The following LRRTM4 variants were observed in gnomAD, a reference collection of about 807,000 sequenced individuals.
LRRTM4 encodes the protein leucine rich repeat transmembrane neuronal 4, also known as leucine-rich repeat transmembrane neuronal protein 4.
LRRTM4 carries 25 observed loss-of-function variants against 47.6 expected under a neutral mutation model. The ratio of observed to expected loss-of-function variants is 0.53; its 90% CI spans 0.38 to 0.73. LRRTM4 has a LOEUF of 0.73. Among genes scored for constraint, LRRTM4 ranks in the 30% least tolerant of loss-of-function variants. LRRTM4 has a pLI of 0.00. For missense variants in LRRTM4, 638 were observed against 713.4 expected, an observed-to-expected ratio of 0.89 and a Z score of 1.20; for synonymous variants, 311 against 269.5, an observed-to-expected ratio of 1.15 and a Z score of -1.51.
At chr2:77,303,531 C>T (rs1038600889) in intron 3 of LRRTM4, among the ~76,000 whole-genome samples, 3 of 152,160 alleles carry the variant, frequency 2.0e-5, no homozygotes, top group African/African-American at 7.2e-5. Context: ...CTGGCTCAGA[C>T]TTTATCAAAC....
At chr2:76,960,268 CGA>C (rs1388650965) in intron 3 of LRRTM4, among the ~76,000 whole-genome samples, 44 of 151,406 alleles carry the variant, frequency 2.9e-4, no homozygotes, top group Non-Finnish European at 3.1e-4. Flanking sequence ...AACAATGCTA[CGA>C]GAGAGATAAC....
At chr2:76,911,866 G>A (rs1047390972) in intron 3 of LRRTM4, among the ~76,000 whole-genome samples, 1 of 146,616 alleles carries the variant, frequency 6.8e-6, no homozygotes, top group Admixed American at 7.2e-5. Context: ...GTGTGTGTGT[G>A]TGTAGCTTGA....
chr2:77,243,650 C>A (rs1675337857), intron 3 of LRRTM4, among the ~76,000 whole-genome samples: 2 of 151,950 alleles, frequency 1.3e-5, no homozygotes, highest in Admixed American at 6.6e-5. Flanking sequence ...ATGTACTTAA[C>A]ACTAGTGAAC....
intron 3 of LRRTM4, among the ~76,000 whole-genome samples, chr2:77,250,213 G>A (rs964165847): frequency 6.6e-6 from 1 of 152,142 alleles, no homozygotes; most frequent in African/African-American, 2.4e-5. Flanking sequence ...GTAGGGCAGT[G>A]AAACTATCAC....
At chr2:76,919,938 C>T (rs768775526) in intron 3 of LRRTM4, among the ~76,000 whole-genome samples, 5 of 152,072 alleles carry the variant, frequency 3.3e-5, no homozygotes, top group African/African-American at 4.8e-5. Context: ...TTTTAACAAT[C>T]GGAAGACATT....
chr2:76,854,227 C>A (rs1334413141), intron 3 of LRRTM4, among the ~76,000 whole-genome samples: 1 of 152,060 alleles, frequency 6.6e-6, no homozygotes, highest in Non-Finnish European at 1.5e-5. Context: ...TTCTGTGAAA[C>A]TAACATATAG....
intron 3 of LRRTM4, among the ~76,000 whole-genome samples, chr2:76,919,566 C>A (rs988805925): frequency 5.9e-5 from 9 of 152,110 alleles, no homozygotes; most frequent in African/African-American, 2.2e-4. Context: ...CTGCGGCCCT[C>A]ATCCTGTGAC....
chr2:77,262,375 C>T (rs1414272908), intron 3 of LRRTM4, among the ~76,000 whole-genome samples: 3 of 152,102 alleles, frequency 2.0e-5, no homozygotes, highest in Admixed American at 1.3e-4. Flanking sequence ...CACTGCTAGA[C>T]ACCCCTTCCT....
Position 77,519,791 on chromosome 2 carries a change from C to T in LRRTM4, c.78G>A (p.Met26Ile). Residue 26 changes from methionine to isoleucine, a missense_variant, in exon 3 of 4, where the codon ATG becomes ATA. Coordinates refer to ENST00000409884, the MANE Select transcript of LRRTM4 (RefSeq NM_001134745.3). This position sits in a 1 kb window ranked among gnomAD's most constrained non-coding sequence, Gnocchi z 4.6. Reference sequence around the variant, plus strand: ...GGCAAGCTCTCTGAGCACCCGTGAGCATAACAAGCAGCAGTGTAGGAAGTA... The same window carrying T: ...GGCAAGCTCTCTGAGCACCCGTGAGTATAACAAGCAGCAGTGTAGGAAGTA... ...LVLLPTLLLV[M>I]LTGAQRACPK... is the part of the protein sequence containing the mutation. 6.2e-7 allele frequency: 1 copy of T among 1,613,040 alleles called. No individual in the cohort carries two copies. The highest frequency in any genetic ancestry group is 8.5e-7 in the Non-Finnish European group (1 of 1,179,470).
At chr2:77,467,586 A>G (rs1677028021) in intron 3 of LRRTM4, among the ~76,000 whole-genome samples, 3 of 152,206 alleles carry the variant, frequency 2.0e-5, no homozygotes, top group Non-Finnish European at 4.4e-5. Context: ...TAGTGGGAGT[A>G]ATCTTTTAAG....
In LRRTM4 at chr2:76,936,904, G is replaced by A. The variant is rs1188554621; in HGVS notation, c.1552-187988C>T. ...CAGGAGGCGGAAGTTGCAGTGAGCC[G>A]AGATGGCATCACTGCACTCCAGCCT... is the stretch of plus-strand genomic sequence containing the variant. On this transcript the variant is annotated intron_variant, in intron 3 of 3. Transcript: ENST00000409884. Among the ~76,000 whole-genome samples, 4 of 122,692 alleles carry A rather than the reference G, an allele frequency of 3.3e-5. No individual in the cohort carries two copies. In the South Asian group the frequency reaches 8.1e-4, roughly 25 times the overall value. 80.5% of individuals were successfully genotyped at this position (122,692 alleles called of 152,430 possible).
At chr2:76,905,794 G>T (rs1673812484) in intron 3 of LRRTM4, among the ~76,000 whole-genome samples, 1 of 151,684 alleles carries the variant, frequency 6.6e-6, no homozygotes, top group Admixed American at 6.6e-5. Context: ...CAAGTTTAGA[G>T]AAAAAAGAAA....
chr2:76,823,460 A>C (rs866865306), intron 3 of LRRTM4, among the ~76,000 whole-genome samples: 4 of 151,582 alleles, frequency 2.6e-5, no homozygotes, highest in Middle Eastern at 6.9e-3. Flanking sequence ...CTCTGAGTAT[A>C]CAAGCAAAAT....
At chr2:77,405,864 T>C (rs1483779789) in intron 3 of LRRTM4, among the ~76,000 whole-genome samples, 2 of 152,142 alleles carry the variant, frequency 1.3e-5, no homozygotes, top group Non-Finnish European at 2.9e-5. Flanking sequence ...TGTTTCTCTG[T>C]TGGTTTTCAA....
At chr2:76,888,805 C>T (rs1024756296) in intron 3 of LRRTM4, among the ~76,000 whole-genome samples, 1 of 151,576 alleles carries the variant, frequency 6.6e-6, no homozygotes, top group Non-Finnish European at 1.5e-5. Context: ...ACCTGGTTGC[C>T]CTGTCCAAAA....
chr2:76,919,731 T>C (rs1373947153), intron 3 of LRRTM4, among the ~76,000 whole-genome samples: 1 of 152,212 alleles, frequency 6.6e-6, no homozygotes, highest in African/African-American at 2.4e-5. Context: ...GCTATCCTTT[T>C]ACTCAGTTAA....
intron 3 of LRRTM4, among the ~76,000 whole-genome samples, chr2:77,187,557 T>C (rs1673546098): frequency 6.6e-6 from 1 of 151,864 alleles, no homozygotes; most frequent in Non-Finnish European, 1.5e-5. Flanking sequence ...CACACCAACA[T>C]GGCACGTGTA....
chr2:77,341,201 G>C (rs573155244), intron 3 of LRRTM4, among the ~76,000 whole-genome samples: 2 of 151,986 alleles, frequency 1.3e-5, no homozygotes, highest in South Asian at 4.2e-4. Flanking sequence ...ACACACCCAG[G>C]TAGGAAAAAT....
chr2:77,263,687 A>T (rs1212278978), intron 3 of LRRTM4, among the ~76,000 whole-genome samples: 1 of 152,178 alleles, frequency 6.6e-6, no homozygotes, highest in African/African-American at 2.4e-5. Context: ...ATACAGATAC[A>T]TACCATTAAA....
Sources: gnomAD v4.1 joint callset for allele counts (sites outside exome capture counted in the v4.1 genomes callset) on GRCh38, gnomAD v4.1.1 for gene constraint, Gnocchi (gnomAD v3.1) non-coding constraint, MANE v1.5 for transcripts, NCBI Gene and HGNC (gene_info 2026-07-23, HGNC 2026-07-21) for gene names.